NCS1: variants seen among roughly 807,000 people sequenced by gnomAD.
NCS1 encodes neuronal calcium sensor 1, also known as frequenin homolog.
In NCS1, 6 loss-of-function variants were observed where a neutral mutation model predicts 28.4. That is an observed-to-expected ratio of 0.21 (90% CI 0.12 to 0.42). NCS1 has a LOEUF of 0.42. Ranked by LOEUF, NCS1 falls within the 10% of genes least tolerant of loss-of-function variation. The pLI, the probability that NCS1 is intolerant of heterozygous loss-of-function variation, is 1.00. For missense variants in NCS1, 131 were observed against 241.4 expected (o/e 0.54, Z 3.03); for synonymous variants, 86 against 99.3 (o/e 0.87, Z 0.79).
At chr9:130,190,063 A>AGAGAGAGAGAGAGAGC (rs1832798287) in intron 1 of NCS1, among the ~76,000 whole-genome samples, 1 of 148,712 alleles carries the variant, frequency 6.7e-6, no homozygotes, top group African/African-American at 2.5e-5. Context: ...AGAGAGAGAG[A>AGAGAGAGAGAGAGAGC]GAATATATGT....
At chr9:130,178,699 C>T (rs927754919) in intron 1 of NCS1, among the ~76,000 whole-genome samples, 10 of 151,936 alleles carry the variant, frequency 6.6e-5, no homozygotes, top group Non-Finnish European at 1.0e-4. Flanking sequence ...GCTGCAGTCC[C>T]GGAATGGACT....
intron 7 of NCS1, among the ~76,000 whole-genome samples, chr9:130,230,124 G>C (rs1746653279): frequency 6.6e-6 from 1 of 152,226 alleles, no homozygotes; most frequent in Admixed American, 6.5e-5. Flanking sequence ...GCTGAGGCAA[G>C]TGGATCACTT....
chr9:130,228,205 G>A (rs1166115075), intron 7 of NCS1, among the ~76,000 whole-genome samples: 1 of 149,578 alleles, frequency 6.7e-6, no homozygotes, highest in African/African-American at 2.5e-5. Context: ...TTTTTTCTGC[G>A]ACTGGGTCTC....
intron 1 of NCS1, among the ~76,000 whole-genome samples, chr9:130,187,530 C>T (rs1357673478): frequency 1.3e-5 from 2 of 152,194 alleles, no homozygotes; most frequent in African/African-American, 4.8e-5. Context: ...CCTAAAACCT[C>T]CTGTGGTCCC....
At chr9:130,184,710 G>A (rs540833109) in intron 1 of NCS1, among the ~76,000 whole-genome samples, 14 of 151,780 alleles carry the variant, frequency 9.2e-5, no homozygotes, top group African/African-American at 3.1e-4. Context: ...TCACTGCAAC[G>A]TCTGCCTCCC....
chr9:130,228,882 C>A (rs575102999), intron 7 of NCS1, among the ~76,000 whole-genome samples: 3 of 152,044 alleles, frequency 2.0e-5, no homozygotes, highest in South Asian at 4.2e-4. Context: ...CTTGGCTAGG[C>A]TGGTCTCGAA....
chr9:130,217,491 G>A (rs1327799989), intron 2 of NCS1, among the ~76,000 whole-genome samples: 4 of 152,200 alleles, frequency 2.6e-5, no homozygotes, highest in African/African-American at 9.6e-5. Flanking sequence ...CTTTGGGGAG[G>A]CCATTCATGT....
At position 130,181,447 on chromosome 9, in the gene NCS1, AC is replaced by A. The variant is rs1832653267; in HGVS notation, c.64+8723del. On this transcript the variant is annotated intron_variant, in intron 1 of 7. Coordinates refer to ENST00000372398, the MANE Select transcript of NCS1 (RefSeq NM_014286.4). This position sits in a 1 kb window ranked among gnomAD's most constrained non-coding sequence, Gnocchi z 5.0. ...TCTGGTATTAGGCATGTTCCGTGTGACCCAGGCCTGTCCTTGGTGTTCACGT... is the reference window on the plus strand; with the variant it reads ...TCTGGTATTAGGCATGTTCCGTGTGACCAGGCCTGTCCTTGGTGTTCACGT... 6.6e-6 allele frequency among the ~76,000 whole-genome samples: 1 copy of A among 152,012 alleles called. No individual in the cohort carries two copies. The highest frequency in any genetic ancestry group is 2.4e-5 in the African/African-American group (1 of 41,378).
rs1554905628 is a variant in NCS1 at position 130,186,322 on chromosome 9, G to C, written c.64+13595G>C. Among the ~76,000 whole-genome samples, 1 of 152,174 alleles carries C rather than the reference G, an allele frequency of 6.6e-6. No individual in the cohort carries two copies. The highest frequency in any genetic ancestry group is 1.5e-5 in the Non-Finnish European group (1 of 68,028). On this transcript the variant is annotated intron_variant, in intron 1 of 7. Transcript: ENST00000372398. This position sits in a 1 kb window ranked among gnomAD's most constrained non-coding sequence, Gnocchi z 4.1. Reference sequence around the variant, plus strand: ...GCACAATGGACTGGGAATCTCCCTGGTCTGGGGTGCATCTGGGAGGGCTTC... The same window carrying C: ...GCACAATGGACTGGGAATCTCCCTGCTCTGGGGTGCATCTGGGAGGGCTTC...
rs147958771 is a variant in NCS1, at chr9:130,183,882, C to T, written c.64+11155C>T. On this transcript the variant is annotated intron_variant, in intron 1 of 7. Coordinates refer to ENST00000372398, the MANE Select transcript of NCS1 (RefSeq NM_014286.4). ...TGGAGTGCAGTGGCATGATCTCGGC[C>T]CACTGCAAGCTCTGCCTCCCGGGTT... Among the ~76,000 whole-genome samples, 836 of 150,952 alleles carry T rather than the reference C, an allele frequency of 5.5e-3. 9 individuals are homozygous for T. Among genetic ancestry groups the T allele is most frequent in the African/African-American group, 0.019 (786 of 41,074 alleles).
chr9:130,203,565 C>T (rs1832986126), intron 2 of NCS1, among the ~76,000 whole-genome samples: 1 of 152,146 alleles, frequency 6.6e-6, no homozygotes, highest in South Asian at 2.1e-4. Context: ...GCAGCTGTCC[C>T]CCACGCCCAT....
chr9:130,225,012 T>A (rs1675428189), intron 6 of NCS1, among the ~76,000 whole-genome samples: 1 of 152,112 alleles, frequency 6.6e-6, no homozygotes, highest in Non-Finnish European at 1.5e-5. Context: ...GGCAACGTGA[T>A]GAAACCCCGA....
Position 130,181,761 on chromosome 9 carries a change from G to A in NCS1, c.64+9034G>A, listed in dbSNP as rs1203495622. Among the ~76,000 whole-genome samples the A allele has an allele frequency of 1.3e-5, 2 of 152,180 alleles. No individual in the cohort carries two copies. Among genetic ancestry groups the A allele is most frequent in the Admixed American group, 6.5e-5 (1 of 15,284 alleles). ...TGTGGGTGTTGCAGGCAGGGCGGGT[G>A]CTGCGGGGCACGTGGGCAAGTCCCG... On this transcript the variant is annotated intron_variant, in intron 1 of 7. Transcript: ENST00000372398. The surrounding 1 kb of genome is among the most constrained non-coding windows in gnomAD (Gnocchi z 5.0).
chr9:130,231,092 T>C (rs1554912048), intron 7 of NCS1, among the ~76,000 whole-genome samples: 1 of 152,198 alleles, frequency 6.6e-6, no homozygotes, highest in East Asian at 1.9e-4. Context: ...GGCTGACGCC[T>C]GTAATCCCAG....
At chr9:130,206,831 G>A (rs902971715) in intron 2 of NCS1, among the ~76,000 whole-genome samples, 4 of 151,248 alleles carry the variant, frequency 2.6e-5, no homozygotes, top group African/African-American at 9.9e-5. Context: ...AGGCAGTGTA[G>A]GGTCCAGCCA....
At chr9:130,187,181 G>C (rs376144410) in intron 1 of NCS1, among the ~76,000 whole-genome samples, 2 of 152,140 alleles carry the variant, frequency 1.3e-5, no homozygotes, top group South Asian at 2.1e-4. Flanking sequence ...GAGACGGGGG[G>C]CCCTGCCCAG....
rs1833237318 is a variant in NCS1, at chr9:130,219,401, G to A, written c.229-324G>A. On this transcript the variant is annotated intron_variant, in intron 3 of 7. Coordinates refer to ENST00000372398, the MANE Select transcript of NCS1 (RefSeq NM_014286.4). The surrounding 1 kb of genome is among the most constrained non-coding windows in gnomAD (Gnocchi z 5.7). ...TAGGCCGAGGGGCTTCCGGGCTGTT[G>A]CTGAGAGGAGCTCAGGCATTGGTGC... Among the ~76,000 whole-genome samples, 1 of 152,202 alleles carries A rather than the reference G, an allele frequency of 6.6e-6. No homozygotes were observed. Among genetic ancestry groups the A allele is most frequent in the African/African-American group, 2.4e-5 (1 of 41,436 alleles).
In NCS1 at chr9:130,188,495, G is replaced by A. The variant is rs1481474005; in HGVS notation, c.65-12463G>A. Among the ~76,000 whole-genome samples, 6 of 59,096 alleles carry A rather than the reference G, an allele frequency of 1.0e-4. No homozygotes were observed. The South Asian group carries it at 2.7e-3, about 27-fold the overall frequency. 38.8% of individuals were successfully genotyped at this position (59,096 alleles called of 152,430 possible). Reference sequence around the variant, plus strand: ...TGGAGTGCAATGGCTCGATCTCGGCGGAGCCTCCTGGGTTCAAGTGATTCT... The same window carrying A: ...TGGAGTGCAATGGCTCGATCTCGGCAGAGCCTCCTGGGTTCAAGTGATTCT... On this transcript the variant is annotated intron_variant, in intron 1 of 7. Coordinates refer to ENST00000372398, the MANE Select transcript of NCS1 (RefSeq NM_014286.4).
chr9:130,213,859 G>A (rs532180254), intron 2 of NCS1, among the ~76,000 whole-genome samples: 28 of 152,188 alleles, frequency 1.8e-4, no homozygotes, highest in Non-Finnish European at 8.8e-5. Context: ...AATTACAGGC[G>A]TGAGCCACCA....
Sources: allele counts gnomAD v4.1 joint callset (sites outside exome capture counted in the v4.1 genomes callset), GRCh38; gene constraint gnomAD v4.1.1; non-coding constraint Gnocchi (gnomAD v3.1); transcripts MANE v1.5; gene names NCBI Gene and HGNC (gene_info 2026-07-23, HGNC 2026-07-21).